The following CCDC148 variants were observed in gnomAD, a reference collection of about 807,000 sequenced individuals.
CCDC148 encodes the protein coiled-coil domain-containing protein 148.
In CCDC148, 89 loss-of-function variants were observed where a neutral mutation model predicts 85.7. The ratio of observed to expected loss-of-function variants is 1.04; its 90% CI spans 0.87 to 1.24. CCDC148 has a LOEUF of 1.24. CCDC148 is among the 50% of genes most tolerant of loss of function. The pLI is 0.00. For synonymous variants in CCDC148, 230 were observed against 213.9 expected (o/e 1.08, Z -0.66); for missense variants, 692 against 671.7 (o/e 1.03, Z -0.33).
At chr2:158,442,394 G>A (rs1393643467) in intron 1 of CCDC148, among the ~76,000 whole-genome samples, 1 of 152,126 alleles carries the variant, frequency 6.6e-6, no homozygotes, top group Non-Finnish European at 1.5e-5. Context: ...AAGATCTTAA[G>A]GTCTTAGAGC....
At chr2:158,328,304 C>G (rs6724154) in intron 7 of CCDC148, among the ~76,000 whole-genome samples, 2 of 152,150 alleles carry the variant, frequency 1.3e-5, no homozygotes, top group African/African-American at 4.8e-5. Flanking sequence ...GAGAATGATG[C>G]TTTCCAGCTT....
intron 1 of CCDC148, among the ~76,000 whole-genome samples, chr2:158,412,983 C>A (rs1442519936): frequency 1.3e-5 from 2 of 151,626 alleles, no homozygotes; most frequent in African/African-American, 2.4e-5. Context: ...GGTATATCTC[C>A]TAATGCTATA....
rs578222884 is a variant in CCDC148 at position 158,315,026 on chromosome 2, A to T, written c.765-1132T>A. 2.1e-4 allele frequency among the ~76,000 whole-genome samples: 32 copies of T among 152,324 alleles called. 1 individual carries two copies. The South Asian group carries it at 6.6e-3, about 32-fold the overall frequency. On this transcript the variant is annotated intron_variant, in intron 7 of 13. Coordinates refer to ENST00000283233, the MANE Select transcript of CCDC148 (RefSeq NM_138803.4). Reference sequence around the variant, plus strand: ...AGAAAAATTCTTTTTCAAAGAAAAAAGTCCTATCTGTTTCATAATAGGGGG... The same window carrying T: ...AGAAAAATTCTTTTTCAAAGAAAAATGTCCTATCTGTTTCATAATAGGGGG...
chr2:158,277,599 G>GT lies in CCDC148; in HGVS notation c.1111-26688dup, dbSNP rs1166929426. The stretch of plus-strand genomic sequence containing the variant: ...ACAACACAGTGAGTTATGTTTTTTT[G>GT]TTTTTTTTTGTTTTTGAGACAGAGT... On this transcript the variant is annotated intron_variant, in intron 9 of 13. Coordinates refer to ENST00000283233, the MANE Select transcript of CCDC148 (RefSeq NM_138803.4). 4.4e-3 allele frequency among the ~76,000 whole-genome samples: 658 copies of GT among 150,662 alleles called. 2 individuals carry two copies. The highest frequency in any genetic ancestry group is 0.014 in the African/African-American group (590 of 41,072).
rs577486494 is a variant in CCDC148, at chr2:158,272,680, G to C, written c.1111-21768C>G. Among the ~76,000 whole-genome samples, 4 of 152,276 alleles carry C rather than the reference G, an allele frequency of 2.6e-5. No homozygotes were observed. In the South Asian group the frequency reaches 8.3e-4, roughly 32 times the overall value. On this transcript the variant is annotated intron_variant, in intron 9 of 13. Transcript: ENST00000283233. Reference sequence around the variant, plus strand: ...GCAGAGGATGAGGCAGCCAAATGCAGGTCTGATGTGGGGAATCTATCTTCT... The same window carrying C: ...GCAGAGGATGAGGCAGCCAAATGCACGTCTGATGTGGGGAATCTATCTTCT...
At chr2:158,296,699 C>T (rs1574571366) in intron 9 of CCDC148, among the ~76,000 whole-genome samples, 1 of 152,242 alleles carries the variant, frequency 6.6e-6, no homozygotes, top group Admixed American at 6.5e-5. Flanking sequence ...AAAGTACAGC[C>T]TCTTTTAAAC....
chr2:158,434,436 A>G (rs771772950), intron 1 of CCDC148, among the ~76,000 whole-genome samples: 90 of 152,318 alleles, frequency 5.9e-4, no homozygotes, highest in Non-Finnish European at 9.7e-4. Flanking sequence ...AAACTAACAA[A>G]CAGAAAGGAC....
intron 1 of CCDC148, among the ~76,000 whole-genome samples, chr2:158,429,405 G>A (rs993160875): frequency 1.4e-4 from 20 of 142,264 alleles, no homozygotes; most frequent in Non-Finnish European, 3.1e-4. Context: ...AGATAGATAG[G>A]AATACTTAGA....
intron 1 of CCDC148, among the ~76,000 whole-genome samples, chr2:158,432,570 C>T (rs1574811356): frequency 6.6e-6 from 1 of 152,176 alleles, no homozygotes; most frequent in Non-Finnish European, 1.5e-5. Context: ...GAATTCCTTA[C>T]ATCTATTAAC....
chr2:158,435,978 A>C (rs954381866), intron 1 of CCDC148, among the ~76,000 whole-genome samples: 3 of 152,180 alleles, frequency 2.0e-5, no homozygotes, highest in Non-Finnish European at 4.4e-5. Context: ...TTCATAAAGC[A>C]AGTTCTTAGA....
At chr2:158,280,513 A>G (rs1690226857) in intron 9 of CCDC148, among the ~76,000 whole-genome samples, 1 of 152,236 alleles carries the variant, frequency 6.6e-6, no homozygotes, top group African/African-American at 2.4e-5. Context: ...ACCAACAAAG[A>G]TCAAAAGAGA....
chr2:158,443,356 T>C (rs1401098107), intron 1 of CCDC148, among the ~76,000 whole-genome samples: 1 of 151,060 alleles, frequency 6.6e-6, no homozygotes, highest in East Asian at 1.9e-4. Flanking sequence ...ATAACAAAAA[T>C]GATCAAGTGT....
intron 2 of CCDC148, among the ~76,000 whole-genome samples, chr2:158,351,859 C>A (rs1224541010): frequency 1.3e-5 from 2 of 150,484 alleles, no homozygotes; most frequent in Non-Finnish European, 3.0e-5. Flanking sequence ...GTGGTTCTCC[C>A]AGCACACAGC....
chr2:158,356,970 C>T (rs1412708587), intron 2 of CCDC148, among the ~76,000 whole-genome samples: 3 of 148,864 alleles, frequency 2.0e-5, no homozygotes, highest in Non-Finnish European at 4.4e-5. Flanking sequence ...TCTCAGTAAA[C>T]TATCGCAAGA....
Position 158,313,068 on chromosome 2 carries a change from G to A in CCDC148, c.903+688C>T, listed in dbSNP as rs75098256. Reference sequence around the variant, plus strand: ...TGGCTCACTTAAAAATTAAAAGTCTGTGTGTTTGTTTACGTGTATGTTATA... The same window carrying A: ...TGGCTCACTTAAAAATTAAAAGTCTATGTGTTTGTTTACGTGTATGTTATA... On this transcript the variant is annotated intron_variant, in intron 8 of 13. Coordinates refer to ENST00000283233, the MANE Select transcript of CCDC148 (RefSeq NM_138803.4). 7.3e-3 allele frequency among the ~76,000 whole-genome samples: 1,118 copies of A among 152,330 alleles called. 18 individuals carry two copies. The highest frequency in any genetic ancestry group is 0.026 in the African/African-American group (1,066 of 41,574).
chr2:158,210,787 C>CAAAAAAAAAAA (rs34273946), intron 11 of CCDC148, among the ~76,000 whole-genome samples: 87 of 89,336 alleles, frequency 9.7e-4, no homozygotes, highest in East Asian at 1.8e-3. Flanking sequence ...ACTAAAAATA[C>CAAAAAAAAAAA]AAAAAAAAAA....
At position 158,324,711 on chromosome 2, in the gene CCDC148, C is replaced by T. The variant is rs191028465; in HGVS notation, c.765-10817G>A. Among the ~76,000 whole-genome samples, 91 of 147,576 alleles carry T rather than the reference C, an allele frequency of 6.2e-4. 1 individual carries two copies. Among genetic ancestry groups the T allele is most frequent in the African/African-American group, 2.2e-3 (86 of 39,370 alleles). On this transcript the variant is annotated intron_variant, in intron 7 of 13. Transcript: ENST00000283233. ...CTCATTTCTCCCATACCATTTTAAACTCTGGACACAATGTTTTACATTTTA... is the reference window on the plus strand; with the variant it reads ...CTCATTTCTCCCATACCATTTTAAATTCTGGACACAATGTTTTACATTTTA...
chr2:158,353,220 AT>A (rs1683420908), intron 2 of CCDC148, among the ~76,000 whole-genome samples: 1 of 91,306 alleles, frequency 1.1e-5, no homozygotes, highest in Non-Finnish European at 2.2e-5. Flanking sequence ...AAATTCACAC[AT>A]AACAATATTA....
intron 2 of CCDC148, among the ~76,000 whole-genome samples, chr2:158,355,337 C>G (rs371241672): frequency 6.6e-6 from 1 of 152,098 alleles, no homozygotes; most frequent in East Asian, 1.9e-4. Context: ...ACCCCATTGT[C>G]TCAGCCCAAA....
Sources: allele counts gnomAD v4.1 joint callset (sites outside exome capture counted in the v4.1 genomes callset), GRCh38; gene constraint gnomAD v4.1.1; transcripts MANE v1.5; gene names NCBI Gene and HGNC (gene_info 2026-07-23, HGNC 2026-07-21).